CCNL2: variants seen among roughly 807,000 people sequenced by gnomAD.
CCNL2 encodes cyclin L2, also known as cyclin-L2.
In CCNL2, 28 loss-of-function variants were observed where a neutral mutation model predicts 59.1. The ratio of observed to expected loss-of-function variants is 0.47; its 90% CI spans 0.35 to 0.65. The LOEUF is 0.65. Among genes scored for constraint, CCNL2 ranks in the 30% least tolerant of loss-of-function variants. The probability of loss-of-function intolerance (pLI) is 0.00; values close to 1 mark genes in which losing one functional copy is unlikely to be tolerated. For synonymous variants in CCNL2, 342 were observed against 288.6 expected, an observed-to-expected ratio of 1.19 and a Z score of -1.88; for missense variants, 714 against 717.4, an observed-to-expected ratio of 1.00 and a Z score of 0.05.
chr1:1,393,574 C>T, intron 4 of CCNL2, 114 bp from the exon 5 acceptor site: 1 of 883,182 alleles, frequency 1.1e-6, no homozygotes, highest in Non-Finnish European at 1.9e-6. Flanking sequence ...AGGAGTGGCT[C>T]CTGGCCACAC....
chr1:1,397,099 C>A (rs1295811101), intron 3 of CCNL2, among the ~76,000 whole-genome samples: 1 of 152,142 alleles, frequency 6.6e-6, no homozygotes, highest in Non-Finnish European at 1.5e-5. Context: ...TTAGGCTGGT[C>A]TCGAACTCCT....
At chr1:1,391,113 T>C (rs1353422095) in intron 5 of CCNL2, 2 of 1,246,780 alleles carry the variant, frequency 1.6e-6, no homozygotes, top group East Asian at 3.1e-5. Flanking sequence ...GCTGGCTGAA[T>C]GTCAGACAAT....
In CCNL2 at chr1:1,398,834, C is replaced by T. The variant is rs1281568884; in HGVS notation, c.289-163G>A. ...TCCCGCCGTCTCGGGATCCAGCGCA[C>T]TGGCGGGCGGGGAGGCCCCGGGTCA... On this transcript the variant is annotated intron_variant, in intron 1 of 10. Transcript: ENST00000400809. 3.8e-6 allele frequency: 5 copies of T among 1,300,474 alleles called. No homozygotes were observed. In the African/African-American group the frequency reaches 7.4e-5, roughly 19 times the overall value. 80.6% of individuals were successfully genotyped at this position (1,300,474 alleles called of 1,614,324 possible).
chr1:1,389,263 G>A (rs548014009), intron 8 of CCNL2: 1 of 152,598 alleles, frequency 6.6e-6, no homozygotes, highest in South Asian at 2.1e-4. Context: ...CAGCTACTCA[G>A]GAGGCTGAGG....
chr1:1,398,419 CTATTCAG>C lies in CCNL2; in HGVS notation c.364-84_364-78del. On this transcript the variant is annotated intron_variant, in intron 2 of 10. Coordinates refer to ENST00000400809, the MANE Select transcript of CCNL2 (RefSeq NM_030937.6). ...CTGACGGCCGCCAAAGGCTTGAGGG[CTATTCAG>C]ACCAAAAGGGAGGTGCACCCAGGGG... is the stretch of plus-strand genomic sequence containing the variant. 3 of 1,598,086 alleles carry C rather than the reference CTATTCAG, an allele frequency of 1.9e-6. No homozygotes were observed. The South Asian group carries it at 3.4e-5, about 18-fold the overall frequency.
Position 1,395,482 on chromosome 1 carries a change from T to C in CCNL2, c.506A>G (p.Tyr169Cys). ...TATAATTTGGTTCTTTAAATTAACA[T>C]AATCTTGATCCAGTAGTAGAGGCAC... Reference protein sequence around the residue: ...KPVPLLLDQDYVNLKNQIIKA... With the variant: ...KPVPLLLDQDCVNLKNQIIKA... The change falls in exon 4 of 11, where the codon TAT becomes TGT. Residue 169 changes from tyrosine (Y) to cysteine (C), a missense_variant. By Grantham distance (194) the Tyr-to-Cys change is radical. Around this residue, in one of 5 missense-constraint regions of CCNL2, gnomAD observed 270 missense variants for 254.9 expected, o/e 1.06. Transcript: ENST00000400809. 1.9e-6 allele frequency: 3 copies of C among 1,614,160 alleles called. No individual in the cohort carries two copies. The highest frequency in any genetic ancestry group is 2.5e-6 in the Non-Finnish European group (3 of 1,180,020).
intron 5 of CCNL2, chr1:1,391,459 CTTGGGTGCAAG>C: frequency 1.6e-6 from 2 of 1,255,814 alleles, no homozygotes; most frequent in Non-Finnish European, 2.1e-6. Flanking sequence ...GGAAAAGCCC[CTTGGGTGCAAG>C]TTGGACGCGT....
intron 8 of CCNL2, chr1:1,388,503 G>A (rs1461795755): frequency 2.2e-6 from 1 of 454,304 alleles, no homozygotes; most frequent in Non-Finnish European, 4.4e-6. Context: ...TGGCAACACA[G>A]CGAGACTCTG....
intron 8 of CCNL2, 186 bp from the exon 9 acceptor site, chr1:1,388,251 G>T (rs905964396): frequency 1.7e-6 from 1 of 590,118 alleles, no homozygotes; most frequent in Admixed American, 3.0e-5. Flanking sequence ...GGCTGGACGC[G>T]GGGGCTCACG....
intron 3 of CCNL2, among the ~76,000 whole-genome samples, chr1:1,395,904 T>G (rs1249126853): frequency 2.6e-5 from 4 of 152,138 alleles, no homozygotes; most frequent in Non-Finnish European, 5.9e-5. Context: ...ATGGGCCAGG[T>G]GCAGTGGCTC....
chr1:1,387,693 A>G, intron 10 of CCNL2, 84 bp downstream of exon 10: 1 of 1,451,402 alleles, frequency 6.9e-7, no homozygotes, highest in East Asian at 2.5e-5. Flanking sequence ...GAGAAACAAG[A>G]AACCACCTCA....
At chr1:1,388,099 C>T (rs748682723) in intron 8 of CCNL2, 34 bp from the exon 9 acceptor site, 1 of 1,526,412 alleles carries the variant, frequency 6.6e-7, no homozygotes, top group Non-Finnish European at 9.1e-7. Flanking sequence ...AAGCCAACCA[C>T]AAAACACTCT....
At position 1,398,359 on chromosome 1, in the gene CCNL2, G is replaced by A. The variant is rs778211276; in HGVS notation, c.364-17C>T. The A allele has an allele frequency of 3.7e-6, 6 of 1,613,852 alleles. No individual in the cohort carries two copies. The highest frequency in any genetic ancestry group is 1.7e-5 in the Admixed American group (1 of 59,984). ...TGACACATGCTGAAGCGGAAGCATTGCAACACGCCCATGTTTGTCCCCAGC... is the reference window on the plus strand; with the variant it reads ...TGACACATGCTGAAGCGGAAGCATTACAACACGCCCATGTTTGTCCCCAGC... On this transcript the variant is annotated splice_polypyrimidine_tract_variant and intron_variant, in intron 2 of 10. Coordinates refer to ENST00000400809, the MANE Select transcript of CCNL2 (RefSeq NM_030937.6).
In CCNL2 at chr1:1,399,300, C is replaced by T; in HGVS notation, c.7G>A (p.Ala3Thr). MA[A>T]AAAAAGAAGS... ...GCAGCACCAGCCGCCGCCGCCGCCGCCGCCATTTTGTGCCGCCGACTCCCC... is the reference window on the plus strand; with the variant it reads ...GCAGCACCAGCCGCCGCCGCCGCCGTCGCCATTTTGTGCCGCCGACTCCCC... The change falls in exon 1 of 11, where the codon GCG (alanine) becomes ACG (threonine). Residue 3 changes from alanine (A) to threonine (T), a missense_variant. Physicochemically the swap from Ala to Thr is moderately conservative, Grantham distance 58. This residue lies in a region of CCNL2 where 270 missense variants were observed against 254.9 expected (regional missense o/e 1.06). Transcript: ENST00000400809. The T allele has an allele frequency of 1.4e-6, 2 of 1,450,408 alleles. No individual in the cohort carries two copies. Among genetic ancestry groups the T allele is most frequent in the South Asian group, 1.4e-5 (1 of 69,360 alleles). The allele number at this position is 1,450,408 out of a possible 1,614,324, so 89.8% of individuals were successfully genotyped here.
intron 8 of CCNL2, 77 bp from the exon 9 acceptor site, chr1:1,388,142 A>C: frequency 8.3e-7 from 1 of 1,198,078 alleles, no homozygotes; most frequent in African/African-American, 1.5e-5. Context: ...GAGCGAGATA[A>C]GGCCCCTCTA....
rs1432203626 is a variant in CCNL2 at position 1,386,993 on chromosome 1, G to A, written c.*238C>T. 3.5e-5 allele frequency: 16 copies of A among 455,244 alleles called. No individual in the cohort carries two copies. The highest frequency in any genetic ancestry group is 1.8e-4 in the African/African-American group (9 of 50,822). 28.2% of individuals were successfully genotyped at this position (455,244 alleles called of 1,614,324 possible). ...GCTGCTGCCGAGCTGAGCCCTGCACGGGCCCAGGTGTGCGCCGCACCCCAG... is the reference window on the plus strand; with the variant it reads ...GCTGCTGCCGAGCTGAGCCCTGCACAGGCCCAGGTGTGCGCCGCACCCCAG... On this transcript the variant is annotated 3_prime_UTR_variant, in exon 11 of 11. Transcript: ENST00000400809.
At chr1:1,388,558 A>AGT (rs749155763) in intron 8 of CCNL2, 131 of 381,618 alleles carry the variant, frequency 3.4e-4, no homozygotes, top group Middle Eastern at 2.3e-3. Flanking sequence ...AAAACATGTG[A>AGT]GTGTGTGTCT....
Position 1,390,474 on chromosome 1 carries a change from A to G in CCNL2, c.849T>C (p.Leu283=). The change falls in exon 7 of 11, where the codon CTT becomes CTC. Residue 283 remains leucine (L), a synonymous_variant. Coordinates refer to ENST00000400809, the MANE Select transcript of CCNL2 (RefSeq NM_030937.6). ...IQEICLKILQ[L]YARKKVDLTH... is the part of the protein sequence containing the mutation. Reference sequence around the variant, plus strand: ...GCCGAAGAACCTTTTTCCGAGCATAAAGCTGCAAGATCTTTAAGCAGATTT... The same window carrying G: ...GCCGAAGAACCTTTTTCCGAGCATAGAGCTGCAAGATCTTTAAGCAGATTT... The G allele has an allele frequency of 1.2e-6, 2 of 1,613,584 alleles. No homozygotes were observed. The highest frequency in any genetic ancestry group is 2.2e-5 in the East Asian group (1 of 44,886).
At chr1:1,396,705 G>T (rs972771713) in intron 3 of CCNL2, among the ~76,000 whole-genome samples, 1 of 138,068 alleles carries the variant, frequency 7.2e-6, no homozygotes, top group South Asian at 2.5e-4. Flanking sequence ...TCACCCTCCC[G>T]AATAGCTGGG....
Sources: allele counts gnomAD v4.1 joint callset (sites outside exome capture counted in the v4.1 genomes callset), GRCh38; gene constraint gnomAD v4.1.1; regional missense constraint gnomAD v4.1.1; transcripts MANE v1.5; gene names NCBI Gene and HGNC (gene_info 2026-07-23, HGNC 2026-07-21).